The following PLB1 variants were observed in gnomAD, a reference collection of about 807,000 sequenced individuals.
The protein encoded by PLB1 is phospholipase B1, membrane-associated.
In PLB1, 242 loss-of-function variants were observed where a neutral mutation model predicts 227.4. The ratio of observed to expected loss-of-function variants is 1.06; its 90% CI spans 0.96 to 1.18. The LOEUF is 1.18. Ranked by LOEUF, PLB1 falls within the 50% of genes most tolerant of loss-of-function variation. PLB1 has a pLI of 0.00. For synonymous variants in PLB1, 757 were observed against 682.2 expected (o/e 1.11, Z -1.71); for missense variants, 1,858 against 1,816.3 (o/e 1.02, Z -0.42).
chr2:28,515,971 A>T (rs932498539), intron 1 of PLB1, among the ~76,000 whole-genome samples: 19 of 152,208 alleles, frequency 1.2e-4, no homozygotes, highest in Non-Finnish European at 1.5e-5. Context: ...ACTGAATAAA[A>T]CATGTGCCTG....
chr2:28,633,313 A>G (rs1203072036), intron 56 of PLB1: 2 of 431,038 alleles, frequency 4.6e-6, no homozygotes, highest in African/African-American at 4.0e-5. Context: ...TCCCTTTGTA[A>G]TCAGATAGGT....
intron 20 of PLB1, among the ~76,000 whole-genome samples, chr2:28,570,964 A>T (rs1573049321): frequency 6.6e-6 from 1 of 152,184 alleles, no homozygotes; most frequent in South Asian, 2.1e-4. Context: ...TGCCACTTTT[A>T]TTCAACATCA....
intron 17 of PLB1, among the ~76,000 whole-genome samples, chr2:28,557,499 G>T (rs1675329005): frequency 6.6e-6 from 1 of 152,172 alleles, no homozygotes; most frequent in South Asian, 2.1e-4. Flanking sequence ...TAAGTTGCTG[G>T]GTTACACAAG....
At chr2:28,525,177 G>A in intron 4 of PLB1, 90 bp from the exon 5 acceptor site, 1 of 1,215,866 alleles carries the variant, frequency 8.2e-7, no homozygotes, top group South Asian at 1.3e-5. Context: ...ACTGGCAGGA[G>A]GGGGAGTTCT....
chr2:28,537,658 CAAAAAAAAAAA>C (rs771254945), intron 9 of PLB1, among the ~76,000 whole-genome samples: 14 of 56,236 alleles, frequency 2.5e-4, no homozygotes, highest in African/African-American at 8.3e-4. Context: ...GACTCCATCT[CAAAAAAAAAAA>C]AAAAAAAAAA....
chr2:28,551,146 T>C lies in PLB1; in HGVS notation c.1083+1062T>C, dbSNP rs576492656. Among the ~76,000 whole-genome samples the C allele has an allele frequency of 4.9e-4, 74 of 152,342 alleles. No individual in the cohort carries two copies. The South Asian group carries it at 0.013, about 28-fold the overall frequency. ...TCTGACAAATTCTTCTAAAATCATC[T>C]GAGAACTTCATCTGAAGAGAAAATT... On this transcript the variant is annotated intron_variant, in intron 16 of 57. Transcript: ENST00000327757.
chr2:28,578,043 T>C, intron 21 of PLB1, 64 bp from the exon 22 acceptor site: 2 of 1,512,306 alleles, frequency 1.3e-6, no homozygotes, highest in Non-Finnish European at 1.8e-6. Flanking sequence ...ATTGCTGTTC[T>C]CTCTGCTAAG....
rs80021878 is a variant in PLB1 at position 28,504,126 on chromosome 2, A to G, written c.55+7957A>G. Reference sequence around the variant, plus strand: ...CTTGAAATGTTGCCTCTACTTGATTATTTCTGCCTTTTCCTTCTGGAATGC... The same window carrying G: ...CTTGAAATGTTGCCTCTACTTGATTGTTTCTGCCTTTTCCTTCTGGAATGC... On this transcript the variant is annotated intron_variant, in intron 1 of 57. Transcript: ENST00000327757. 5.5e-3 allele frequency among the ~76,000 whole-genome samples: 837 copies of G among 152,172 alleles called. 6 individuals are homozygous for G. The highest frequency in any genetic ancestry group is 0.019 in the African/African-American group (778 of 41,512).
rs992432799 is a variant in PLB1, at chr2:28,518,529, T to G, written c.181T>G (p.Ser61Ala). Reference protein sequence around the residue: ...NKLGVNMPSKSVHSLKPSDIK... With the variant: ...NKLGVNMPSKAVHSLKPSDIK... ...ATTAGGAGTGAATATGCCTTCTAAA[T>G]CAGGTATGTAACCCTTGGCCATGAG... Residue 61 changes from serine to alanine, a missense_variant, in exon 3 of 58, where the codon TCA becomes GCA. Physicochemically the swap from Ser to Ala is moderately conservative, Grantham distance 99. Transcript: ENST00000327757. 1.2e-6 allele frequency: 2 copies of G among 1,610,188 alleles called. No individual in the cohort carries two copies. The highest frequency in any genetic ancestry group is 2.7e-5 in the African/African-American group (2 of 74,852).
intron 1 of PLB1, among the ~76,000 whole-genome samples, chr2:28,496,582 CTT>C (rs1270144787): frequency 6.6e-6 from 1 of 152,120 alleles, no homozygotes; most frequent in Admixed American, 6.6e-5. Context: ...CATTTATGAG[CTT>C]TGTTTTGTTT....
intron 29 of PLB1, among the ~76,000 whole-genome samples, chr2:28,590,313 G>C (rs1287152848): frequency 6.6e-6 from 1 of 152,160 alleles, no homozygotes; most frequent in Non-Finnish European, 1.5e-5. Flanking sequence ...CACATGTCTG[G>C]GGTGGAGACA....
intron 11 of PLB1, among the ~76,000 whole-genome samples, chr2:28,539,519 G>A (rs1672171222): frequency 6.6e-6 from 1 of 152,164 alleles, no homozygotes; most frequent in South Asian, 2.1e-4. Flanking sequence ...TCTGGAAATT[G>A]GATAGAAAAA....
chr2:28,506,510 AGAG>A (rs1667652873), intron 1 of PLB1, among the ~76,000 whole-genome samples: 1 of 152,186 alleles, frequency 6.6e-6, no homozygotes, highest in African/African-American at 2.4e-5. Flanking sequence ...GTGCAAGGAG[AGAG>A]GAGATTTTTC....
At chr2:28,496,767 A>G (rs1004138708) in intron 1 of PLB1, among the ~76,000 whole-genome samples, 2 of 152,028 alleles carry the variant, frequency 1.3e-5, no homozygotes, top group Non-Finnish European at 2.9e-5. Context: ...CTCTGCCACA[A>G]TCCCTCTCTG....
At chr2:28,642,154 G>C (rs1423591336) in intron 57 of PLB1, among the ~76,000 whole-genome samples, 1 of 152,170 alleles carries the variant, frequency 6.6e-6, no homozygotes, top group Non-Finnish European at 1.5e-5. Flanking sequence ...ACTGACCCAT[G>C]TGGGTCTCCT....
intron 9 of PLB1, among the ~76,000 whole-genome samples, chr2:28,533,482 G>T (rs1016263127): frequency 1.3e-5 from 2 of 152,134 alleles, no homozygotes; most frequent in African/African-American, 4.8e-5. Flanking sequence ...TTTAGACATT[G>T]GTGCATTGCT....
intron 42 of PLB1, among the ~76,000 whole-genome samples, chr2:28,606,211 C>G (rs1472537331): frequency 6.6e-6 from 1 of 152,186 alleles, no homozygotes; most frequent in Non-Finnish European, 1.5e-5. Flanking sequence ...TCCACTTTCC[C>G]TATGTGCCGG....
chr2:28,577,655 A>T (rs1229941384), intron 21 of PLB1, among the ~76,000 whole-genome samples: 1 of 152,238 alleles, frequency 6.6e-6, no homozygotes, highest in East Asian at 1.9e-4. Flanking sequence ...AGCCTGGCCA[A>T]CATGGTGAAA....
At chr2:28,607,413 G>A (rs1206352585) in intron 43 of PLB1, among the ~76,000 whole-genome samples, 2 of 152,120 alleles carry the variant, frequency 1.3e-5, no homozygotes, top group African/African-American at 4.8e-5. Flanking sequence ...CTGTTCACAT[G>A]CCTGCTCCCT....
Sources: gnomAD v4.1 joint callset for allele counts (sites outside exome capture counted in the v4.1 genomes callset) on GRCh38, gnomAD v4.1.1 for gene constraint, MANE v1.5 for transcripts, NCBI Gene and HGNC (gene_info 2026-07-23, HGNC 2026-07-21) for gene names.